SARNP: variants seen among roughly 807,000 people sequenced by gnomAD.
The protein encoded by SARNP is SAP domain containing ribonucleoprotein, also known as SAP domain-containing ribonucleoprotein.
A neutral mutation model predicts 38.1 loss-of-function variants in SARNP; 5 were observed. The ratio of observed to expected loss-of-function variants is 0.13; its 90% CI spans 0.07 to 0.28. The LOEUF (loss-of-function observed/expected upper bound fraction) is 0.28, where lower values mean the gene tolerates loss of function less well. SARNP is among the 10% of genes least tolerant of loss of function. The pLI is 1.00. For synonymous variants in SARNP, 84 were observed against 80.6 expected (o/e 1.04, Z -0.23); for missense variants, 180 against 243.9 (o/e 0.74, Z 1.75).
intron 9 of SARNP, among the ~76,000 whole-genome samples, chr12:55,779,901 G>A (rs1336352493): frequency 6.6e-6 from 1 of 152,182 alleles, no homozygotes; most frequent in East Asian, 1.9e-4. Flanking sequence ...AATCCCAGCA[G>A]TTTGCGAGAC....
intron 5 of SARNP, 27 bp downstream of exon 5, chr12:55,795,998 T>C: frequency 6.6e-7 from 1 of 1,514,866 alleles, no homozygotes; most frequent in African/African-American, 1.4e-5. Context: ...ATGTAGAGAC[T>C]GTTCTACTAG....
chr12:55,803,114 G>C (rs1372637162), intron 2 of SARNP, among the ~76,000 whole-genome samples: 1 of 152,024 alleles, frequency 6.6e-6, no homozygotes, highest in Non-Finnish European at 1.5e-5. Context: ...TGGGGAGAAA[G>C]TGAAATGAGG....
intron 9 of SARNP, among the ~76,000 whole-genome samples, chr12:55,786,069 C>A (rs1355944524): frequency 6.6e-6 from 1 of 152,108 alleles, no homozygotes; most frequent in African/African-American, 2.4e-5. Context: ...TTTACTCAGC[C>A]TTCTGTGGAC....
intron 9 of SARNP, among the ~76,000 whole-genome samples, chr12:55,787,583 T>C (rs758429939): frequency 4.6e-5 from 7 of 151,860 alleles, no homozygotes; most frequent in South Asian, 4.2e-4. Context: ...ATTACAGGCA[T>C]GTACCACCAT....
chr12:55,775,098 A>C (rs1174459739), intron 9 of SARNP, among the ~76,000 whole-genome samples: 2 of 151,388 alleles, frequency 1.3e-5, no homozygotes, highest in Non-Finnish European at 2.9e-5. Flanking sequence ...CGTGTTAGCC[A>C]GGATGGTCTC....
intron 1 of SARNP, among the ~76,000 whole-genome samples, chr12:55,804,337 T>C (rs557754312): frequency 7.2e-5 from 11 of 151,878 alleles, no homozygotes; most frequent in African/African-American, 2.7e-4. Context: ...GCTATGTTCA[T>C]CAATTTTACA....
chr12:55,783,382 A>G (rs957041709), intron 9 of SARNP, among the ~76,000 whole-genome samples: 3 of 152,148 alleles, frequency 2.0e-5, no homozygotes, highest in Non-Finnish European at 4.4e-5. Flanking sequence ...CTCTATCCTC[A>G]AACAGTCCAA....
chr12:55,811,572 AAAACAAACAAAC>A (rs147810706), intron 1 of SARNP, among the ~76,000 whole-genome samples: 16 of 150,592 alleles, frequency 1.1e-4, no homozygotes, highest in African/African-American at 3.9e-4. Context: ...ACTGTCTCAA[AAAACAAACAAAC>A]AAACAAACAA....
chr12:55,769,133 G>A (rs1878932939), intron 9 of SARNP, among the ~76,000 whole-genome samples: 2 of 152,182 alleles, frequency 1.3e-5, no homozygotes, highest in African/African-American at 4.8e-5. Context: ...TAATATATGA[G>A]GGGACTGGGC....
intron 9 of SARNP, among the ~76,000 whole-genome samples, chr12:55,767,680 T>TA (rs978623224): frequency 8.6e-5 from 13 of 151,550 alleles, no homozygotes; most frequent in Non-Finnish European, 1.9e-4. Flanking sequence ...ACCCCGTCTC[T>TA]ACTAAATATA....
chr12:55,785,692 C>T (rs2136192099), intron 9 of SARNP, among the ~76,000 whole-genome samples: 1 of 151,786 alleles, frequency 6.6e-6, no homozygotes, highest in East Asian at 2.0e-4. Context: ...GGAAAAATCA[C>T]TTGAACCCAG....
chr12:55,783,763 A>G (rs1395819565), intron 9 of SARNP, among the ~76,000 whole-genome samples: 2 of 152,074 alleles, frequency 1.3e-5, no homozygotes, highest in East Asian at 3.8e-4. Context: ...CCATAAATCT[A>G]AAATATGAAG....
chr12:55,808,599 A>T (rs1427129352), intron 1 of SARNP, among the ~76,000 whole-genome samples: 4 of 150,140 alleles, frequency 2.7e-5, no homozygotes, highest in African/African-American at 9.8e-5. Context: ...GCCCAGCCAA[A>T]TTTTTTTTTT....
intron 10 of SARNP, among the ~76,000 whole-genome samples, chr12:55,758,692 C>A (rs1482257720): frequency 7.9e-5 from 12 of 152,000 alleles, no homozygotes; most frequent in African/African-American, 2.9e-4. Context: ...TTGGTACTGT[C>A]CTCAAGATAG....
chr12:55,791,941 C>T (rs1452857003), intron 7 of SARNP, among the ~76,000 whole-genome samples: 1 of 151,982 alleles, frequency 6.6e-6, no homozygotes, highest in Non-Finnish European at 1.5e-5. Flanking sequence ...ATCAGGTTCC[C>T]TTTTCAGACT....
chr12:55,799,329 T>C (rs1057361059), intron 4 of SARNP, among the ~76,000 whole-genome samples: 3 of 152,190 alleles, frequency 2.0e-5, no homozygotes, highest in African/African-American at 7.2e-5. Context: ...TAATGTACTA[T>C]AGTACAAAAT....
chr12:55,774,570 AAAAACAAACAAAAAAAAAAAAAC>A (rs1879110860), intron 9 of SARNP, among the ~76,000 whole-genome samples: 1 of 71,306 alleles, frequency 1.4e-5, no homozygotes, highest in African/African-American at 6.6e-5. Flanking sequence ...AAAAAAAAAA[AAAAACAAACAAAAAAAAAAAAAC>A]AAAAATTAGC....
At position 55,794,816 on chromosome 12, in the gene SARNP, C is replaced by T. The variant is rs183066383; in HGVS notation, c.368G>A (p.Arg123Gln). 21 of 1,609,084 alleles carry T rather than the reference C, an allele frequency of 1.3e-5. No homozygotes were observed. The highest frequency in any genetic ancestry group is 9.3e-5 in the African/African-American group (7 of 74,868). The change falls in exon 6 of 11, where the codon CGG (arginine) becomes CAG (glutamine). Residue 123 changes from arginine (R) to glutamine (Q), a missense_variant. Physicochemically the swap from Arg to Gln is conservative, Grantham distance 43. This residue lies in a region of SARNP where 161 missense variants were observed against 194.1 expected (regional missense o/e 0.83). Coordinates refer to ENST00000336133, the MANE Select transcript of SARNP (RefSeq NM_033082.4). The stretch of plus-strand genomic sequence containing the variant: ...GGCTGGGGACACTCACCTAGCTGCC[C>T]GAGCAGCTTTCTTACTCTCCAAGCT... ...PVSLESKKAA[R>Q]AARFGISSVP...
chr12:55,809,256 C>T (rs990847506), intron 1 of SARNP, among the ~76,000 whole-genome samples: 2 of 150,430 alleles, frequency 1.3e-5, no homozygotes, highest in South Asian at 2.1e-4. Context: ...TTGTATGGTA[C>T]GTGAATTGTA....
Sources: allele counts gnomAD v4.1 joint callset (sites outside exome capture counted in the v4.1 genomes callset), GRCh38; gene constraint gnomAD v4.1.1; regional missense constraint gnomAD v4.1.1; transcripts MANE v1.5; gene names NCBI Gene and HGNC (gene_info 2026-07-23, HGNC 2026-07-21).